Variants in PTPRT observed in about 807,000 individuals in gnomAD.
PTPRT encodes the protein receptor-type tyrosine-protein phosphatase T.
A neutral mutation model predicts 176.8 loss-of-function variants in PTPRT; 56 were observed. The observed-to-expected ratio is 0.32, with a 90% confidence interval of 0.26 to 0.40. PTPRT has a LOEUF of 0.40. Among genes scored for constraint, PTPRT ranks in the 10% least tolerant of loss-of-function variants. PTPRT has a pLI of 1.00. For synonymous variants in PTPRT, 783 were observed against 739.0 expected (o/e 1.06, Z -0.96); for missense variants, 1,540 against 1,908.2 (o/e 0.81, Z 3.60).
At chr20:42,643,064 C>T (rs534284301) in intron 7 of PTPRT, among the ~76,000 whole-genome samples, 1 of 152,328 alleles carries the variant, frequency 6.6e-6, no homozygotes, top group Non-Finnish European at 1.5e-5. Context: ...AGTCACCCAG[C>T]TGAAGCCACC....
At chr20:42,328,876 G>A (rs1432313088) in intron 11 of PTPRT, among the ~76,000 whole-genome samples, 1 of 152,164 alleles carries the variant, frequency 6.6e-6, no homozygotes, top group Non-Finnish European at 1.5e-5. Flanking sequence ...ATTATTCATA[G>A]ATGGTGTGAT....
chr20:42,272,406 GT>G lies in PTPRT; in HGVS notation c.2176+10082del, dbSNP rs1025311146. ...CTGTTCTAAGTGGCTATTTTTTAGGGTTTTTTTTTTAACCCCAATGCTCTCA... is the reference window on the plus strand; with the variant it reads ...CTGTTCTAAGTGGCTATTTTTTAGGGTTTTTTTTTAACCCCAATGCTCTCA... On this transcript the variant is annotated intron_variant, in intron 13 of 30. Coordinates refer to ENST00000373187, the MANE Select transcript of PTPRT (RefSeq NM_007050.6). 3.4e-3 allele frequency among the ~76,000 whole-genome samples: 508 copies of G among 148,026 alleles called. 2 individuals carry two copies. Among genetic ancestry groups the G allele is most frequent in the African/African-American group, 8.8e-3 (356 of 40,410 alleles).
intron 7 of PTPRT, among the ~76,000 whole-genome samples, chr20:42,569,662 G>A (rs888540308): frequency 1.3e-5 from 2 of 152,078 alleles, no homozygotes; most frequent in African/African-American, 4.8e-5. Flanking sequence ...AATGAGAATG[G>A]GTTCCATTCA....
At chr20:42,199,191 G>A in intron 16 of PTPRT, 49 bp downstream of exon 16, 1 of 1,597,350 alleles carries the variant, frequency 6.3e-7, no homozygotes, top group East Asian at 2.2e-5. Flanking sequence ...AAGTACTAGG[G>A]CTGAGCTGGA....
At chr20:42,560,835 T>C (rs1295817643) in intron 7 of PTPRT, among the ~76,000 whole-genome samples, 1 of 152,204 alleles carries the variant, frequency 6.6e-6, no homozygotes, top group East Asian at 1.9e-4. Flanking sequence ...GAAACACTTC[T>C]AGGTGCTGCT....
chr20:42,442,257 C>T (rs558500991), intron 9 of PTPRT, among the ~76,000 whole-genome samples: 18 of 152,338 alleles, frequency 1.2e-4, no homozygotes, highest in Non-Finnish European at 1.6e-4. Context: ...GACGCTCCAG[C>T]CTCCTTGTAA....
At position 42,077,246 on chromosome 20, in the gene PTPRT, G is replaced by A. The variant is rs977736447; in HGVS notation, c.*3633C>T. On this transcript the variant is annotated 3_prime_UTR_variant, in exon 31 of 31. Transcript: ENST00000373187. ...ATTCCCACAAAGAGAGGCCTACTGT[G>A]GCCTTCTAGAGGCCCAAGGACCCCT... 2 of 186,522 alleles carry A rather than the reference G, an allele frequency of 1.1e-5. No homozygotes were observed. The highest frequency in any genetic ancestry group is 4.7e-5 in the African/African-American group (2 of 42,702). The allele number at this position is 186,522 out of a possible 1,614,324, so 11.6% of individuals were successfully genotyped here.
At chr20:43,087,625 A>G (rs1027576696) in intron 1 of PTPRT, among the ~76,000 whole-genome samples, 1 of 152,040 alleles carries the variant, frequency 6.6e-6, no homozygotes, top group Non-Finnish European at 1.5e-5. Context: ...CGGCCTCCCA[A>G]AGTGCTGGGT....
chr20:43,037,931 C>T (rs1198338720), intron 1 of PTPRT, among the ~76,000 whole-genome samples: 2 of 152,158 alleles, frequency 1.3e-5, no homozygotes, highest in Non-Finnish European at 2.9e-5. Flanking sequence ...TTCCTGAGAA[C>T]ACTTCTGAAT....
intron 1 of PTPRT, among the ~76,000 whole-genome samples, chr20:43,176,167 C>T (rs2015116947): frequency 1.4e-4 from 1 of 6,902 alleles, no homozygotes. Flanking sequence ...CACTGCACTC[C>T]AGCCTGGCAA....
chr20:43,187,220 G>T (rs2015415352), intron 1 of PTPRT, among the ~76,000 whole-genome samples: 1 of 152,108 alleles, frequency 6.6e-6, no homozygotes, highest in Non-Finnish European at 1.5e-5. Flanking sequence ...AATTGAAATT[G>T]CTTTCAAGAT....
chr20:42,273,372 T>G (rs2056972609), intron 13 of PTPRT, among the ~76,000 whole-genome samples: 1 of 152,152 alleles, frequency 6.6e-6, no homozygotes, highest in Non-Finnish European at 1.5e-5. Context: ...TGCACCACCA[T>G]GCCAAGCTAA....
At chr20:42,238,682 T>C (rs538588164) in intron 14 of PTPRT, among the ~76,000 whole-genome samples, 18 of 152,314 alleles carry the variant, frequency 1.2e-4, no homozygotes, top group African/African-American at 4.1e-4. Context: ...ATCTTTCAAT[T>C]GCTCATTGTG....
intron 2 of PTPRT, among the ~76,000 whole-genome samples, chr20:42,874,165 G>A (rs62203997): frequency 0.021 from 3,192 of 152,124 alleles, 43 homozygotes; most frequent in Non-Finnish European, 0.03. Context: ...CTTCCTCTCC[G>A]GCTGCCCTGG....
chr20:42,711,392 T>A (rs1469211216), intron 6 of PTPRT, among the ~76,000 whole-genome samples: 1 of 152,086 alleles, frequency 6.6e-6, no homozygotes, highest in Non-Finnish European at 1.5e-5. Flanking sequence ...CCCTCATGAA[T>A]GTCTTAAGGC....
At chr20:43,028,484 G>T (rs1986010424) in intron 1 of PTPRT, among the ~76,000 whole-genome samples, 1 of 152,014 alleles carries the variant, frequency 6.6e-6, no homozygotes, top group African/African-American at 2.4e-5. Context: ...CTTACCCCTG[G>T]TTTATCCTCA....
chr20:42,837,793 T>C (rs554048481), intron 2 of PTPRT, among the ~76,000 whole-genome samples: 106 of 152,108 alleles, frequency 7.0e-4, no homozygotes, highest in Non-Finnish European at 1.4e-3. Flanking sequence ...AGGAAAGAGA[T>C]GATGGTATCC....
intron 2 of PTPRT, among the ~76,000 whole-genome samples, chr20:42,814,550 T>C (rs1264455498): frequency 6.6e-6 from 1 of 152,224 alleles, no homozygotes; most frequent in African/African-American, 2.4e-5. Context: ...TGAACTTAGT[T>C]ATCTAATTTA....
At chr20:42,370,030 C>G (rs2058566704) in intron 9 of PTPRT, among the ~76,000 whole-genome samples, 2 of 150,332 alleles carry the variant, frequency 1.3e-5, no homozygotes, top group South Asian at 4.2e-4. Context: ...CCTCCTCTCT[C>G]TGTGTCCAGG....
Sources: allele counts gnomAD v4.1 joint callset (sites outside exome capture counted in the v4.1 genomes callset), GRCh38; gene constraint gnomAD v4.1.1; transcripts MANE v1.5; gene names NCBI Gene and HGNC (gene_info 2026-07-23, HGNC 2026-07-21).